Variants in ZNF804A observed in about 807,000 individuals in gnomAD.
ZNF804A encodes the protein zinc finger protein 804A.
ZNF804A carries 2 observed loss-of-function variants against 16.5 expected under a neutral mutation model. The ratio of observed to expected loss-of-function variants is 0.12; its 90% CI spans 0.05 to 0.38. The LOEUF is 0.38. Among genes scored for constraint, ZNF804A ranks in the 10% least tolerant of loss-of-function variants. The pLI, the probability that ZNF804A is intolerant of heterozygous loss-of-function variation, is 0.99. For synonymous variants in ZNF804A, 534 were observed against 489.6 expected (o/e 1.09, Z -1.20); for missense variants, 1,473 against 1,390.7 (o/e 1.06, Z -0.94).
Position 184,938,697 on chromosome 2 carries a change from A to C in ZNF804A, c.3301A>C (p.Thr1101Pro). Residue 1101 changes from threonine to proline, a missense_variant, in exon 4 of 4, where the codon ACT (threonine) becomes CCT (proline). Transcript: ENST00000302277. Reference sequence around the variant, plus strand: ...TACCTCTGTAACCACTATCCATCACACTGTTTTGCAGCAGCACGCTGCAGC... The same window carrying C: ...TACCTCTGTAACCACTATCCATCACCCTGTTTTGCAGCAGCACGCTGCAGC... ...CSTSVTTIHHTVLQQHAAAAA... is the reference protein window; with the variant it reads ...CSTSVTTIHHPVLQQHAAAAA... The C allele has an allele frequency of 8.1e-6, 13 of 1,613,040 alleles. No individual in the cohort carries two copies. Among genetic ancestry groups the C allele is most frequent in the Non-Finnish European group, 1.1e-5 (13 of 1,179,664 alleles).
chr2:184,639,217 G>A (rs1171644304), intron 1 of ZNF804A, among the ~76,000 whole-genome samples: 1 of 151,692 alleles, frequency 6.6e-6, no homozygotes, highest in African/African-American at 2.4e-5. Context: ...GGGATTACAG[G>A]TGCCCACCAC....
chr2:184,756,581 T>C (rs894959232), intron 1 of ZNF804A, among the ~76,000 whole-genome samples: 9 of 152,058 alleles, frequency 5.9e-5, no homozygotes. Flanking sequence ...AAGATTTTTC[T>C]ATGTAATAAT....
intron 2 of ZNF804A, among the ~76,000 whole-genome samples, chr2:184,931,317 T>C (rs1024528338): frequency 1.3e-5 from 2 of 152,226 alleles, no homozygotes; most frequent in Non-Finnish European, 1.5e-5. Flanking sequence ...GCAGAGGTTC[T>C]CCATGAGGGC....
chr2:184,831,603 T>C (rs1695262881), intron 1 of ZNF804A, among the ~76,000 whole-genome samples: 1 of 152,046 alleles, frequency 6.6e-6, no homozygotes, highest in Non-Finnish European at 1.5e-5. Flanking sequence ...AATCAGGAAC[T>C]GCCTGTTGAC....
intron 1 of ZNF804A, among the ~76,000 whole-genome samples, chr2:184,634,623 A>T (rs1419046013): frequency 6.6e-6 from 1 of 152,134 alleles, no homozygotes; most frequent in Non-Finnish European, 1.5e-5. Context: ...GTTGGCTCTA[A>T]TGATGAAGAA....
At chr2:184,928,779 G>A (rs1266576035) in intron 2 of ZNF804A, among the ~76,000 whole-genome samples, 2 of 152,146 alleles carry the variant, frequency 1.3e-5, no homozygotes, top group Non-Finnish European at 2.9e-5. Context: ...AGCATCAGTG[G>A]AGTTCAGTTC....
intron 1 of ZNF804A, among the ~76,000 whole-genome samples, chr2:184,718,103 G>A (rs1693243419): frequency 6.6e-6 from 1 of 152,210 alleles, no homozygotes; most frequent in Admixed American, 6.5e-5. Flanking sequence ...CATGGCTGGG[G>A]AGGCCTCATA....
chr2:184,613,357 T>G (rs559347321), intron 1 of ZNF804A, among the ~76,000 whole-genome samples: 1 of 152,362 alleles, frequency 6.6e-6, no homozygotes, highest in Non-Finnish European at 1.5e-5. Flanking sequence ...TATTTCAGTT[T>G]CAGCCTGTCT....
At chr2:184,765,914 A>G (rs1008804465) in intron 1 of ZNF804A, among the ~76,000 whole-genome samples, 15 of 152,196 alleles carry the variant, frequency 9.9e-5, no homozygotes, top group South Asian at 2.1e-4. Context: ...GTAGAATTAT[A>G]TATCTGCAAT....
In ZNF804A at chr2:184,610,439, A is replaced by G. The variant is rs554965722; in HGVS notation, c.111+11369A>G. On this transcript the variant is annotated intron_variant, in intron 1 of 3. Coordinates refer to ENST00000302277, the MANE Select transcript of ZNF804A (RefSeq NM_194250.2). The stretch of plus-strand genomic sequence containing the variant: ...ATGGAAAGCAGGATGTTTGAAGTCA[A>G]TAAGTTAATAGGAAGGAAGTGAGAC... Among the ~76,000 whole-genome samples, 46 of 152,320 alleles carry G rather than the reference A, an allele frequency of 3.0e-4. No homozygotes were observed. In the South Asian group the frequency reaches 5.6e-3, roughly 19 times the overall value.
At chr2:184,812,130 T>C (rs978941719) in intron 1 of ZNF804A, among the ~76,000 whole-genome samples, 9 of 152,240 alleles carry the variant, frequency 5.9e-5, no homozygotes, top group African/African-American at 2.2e-4. Flanking sequence ...ACCTTTCCTA[T>C]ATTAACTTTC....
At chr2:184,856,354 A>C (rs960753332) in intron 1 of ZNF804A, among the ~76,000 whole-genome samples, 14 of 151,992 alleles carry the variant, frequency 9.2e-5, no homozygotes, top group Non-Finnish European at 1.3e-4. Context: ...TTTTATCTAA[A>C]AAAAAAAATG....
At chr2:184,852,372 T>A (rs1301740961) in intron 1 of ZNF804A, among the ~76,000 whole-genome samples, 1 of 151,484 alleles carries the variant, frequency 6.6e-6, no homozygotes, top group Non-Finnish European at 1.5e-5. Flanking sequence ...GCTACTGTAT[T>A]TTTCCTGTCC....
chr2:184,765,605 A>C (rs867518616), intron 1 of ZNF804A, among the ~76,000 whole-genome samples: 798 of 56,000 alleles, frequency 0.014, no homozygotes, highest in Admixed American at 0.017. Context: ...CCTCACATGC[A>C]CCCCCCCCCC....
chr2:184,812,597 G>A (rs1473286384), intron 1 of ZNF804A, among the ~76,000 whole-genome samples: 1 of 151,990 alleles, frequency 6.6e-6, no homozygotes, highest in Non-Finnish European at 1.5e-5. Flanking sequence ...TCAAATGAAA[G>A]GAAAAAAGGG....
intron 1 of ZNF804A, among the ~76,000 whole-genome samples, chr2:184,794,723 C>G (rs1033477404): frequency 6.6e-6 from 1 of 151,994 alleles, no homozygotes; most frequent in African/African-American, 2.4e-5. Flanking sequence ...GCAGAATAGA[C>G]AAGAATTTAC....
intron 1 of ZNF804A, among the ~76,000 whole-genome samples, chr2:184,865,492 G>A (rs1303451724): frequency 6.6e-6 from 1 of 152,022 alleles, no homozygotes; most frequent in Non-Finnish European, 1.5e-5. Context: ...GCAAGAAAGA[G>A]CTTCAAGGAG....
intron 1 of ZNF804A, among the ~76,000 whole-genome samples, chr2:184,610,779 C>A (rs1691224026): frequency 6.6e-6 from 1 of 152,074 alleles, no homozygotes; most frequent in African/African-American, 2.4e-5. Flanking sequence ...TTCTTGCACC[C>A]AATTTAGCAA....
intron 1 of ZNF804A, among the ~76,000 whole-genome samples, chr2:184,779,450 C>T (rs1021293448): frequency 6.6e-6 from 1 of 151,730 alleles, no homozygotes. Flanking sequence ...TCCCCAGAAC[C>T]TGTGAATATG....
Sources: allele counts gnomAD v4.1 joint callset (sites outside exome capture counted in the v4.1 genomes callset), GRCh38; gene constraint gnomAD v4.1.1; transcripts MANE v1.5; gene names NCBI Gene and HGNC (gene_info 2026-07-23, HGNC 2026-07-21).